The following MON2 variants were observed in gnomAD, a reference collection of about 807,000 sequenced individuals.
The protein encoded by MON2 is MON2 regulator of endosome-to-Golgi trafficking, also known as protein MON2 homolog.
In MON2, 84 loss-of-function variants were observed where a neutral mutation model predicts 208.6. The observed-to-expected ratio is 0.40, with a 90% CI of 0.34 to 0.48. The LOEUF (loss-of-function observed/expected upper bound fraction) is 0.48. MON2 is among the 20% of genes least tolerant of loss of function. MON2 has a pLI of 0.59. For synonymous variants in MON2, 660 were observed against 694.0 expected (o/e 0.95, Z 0.77); for missense variants, 1,611 against 2,015.4 (o/e 0.80, Z 3.84).
At chr12:62,557,963 T>TATATATATATATATATA (rs1491431148) in intron 25 of MON2, among the ~76,000 whole-genome samples, 5 of 19,562 alleles carry the variant, frequency 2.6e-4, no homozygotes, top group African/African-American at 1.1e-3. Flanking sequence ...TATATATATA[T>TATATATATATATATATA]TTTTTTTTTT....
intron 3 of MON2, among the ~76,000 whole-genome samples, chr12:62,494,685 A>G (rs2070372767): frequency 6.6e-6 from 1 of 152,176 alleles, no homozygotes; most frequent in Non-Finnish European, 1.5e-5. Context: ...CTCATAGCTA[A>G]TTTGCATATG....
At chr12:62,472,139 T>C (rs1339301639) in intron 1 of MON2, among the ~76,000 whole-genome samples, 1 of 152,024 alleles carries the variant, frequency 6.6e-6, no homozygotes, top group Non-Finnish European at 1.5e-5. Flanking sequence ...GAGAGCTAGG[T>C]TGGATTCCCA....
At chr12:62,488,128 C>G (rs1394672758) in intron 2 of MON2, among the ~76,000 whole-genome samples, 3 of 152,098 alleles carry the variant, frequency 2.0e-5, no homozygotes, top group Non-Finnish European at 4.4e-5. Context: ...TTTAATTTTA[C>G]GTGATTTGAG....
At chr12:62,569,024 A>C (rs1223004122) in intron 29 of MON2, among the ~76,000 whole-genome samples, 1 of 152,256 alleles carries the variant, frequency 6.6e-6, no homozygotes, top group Non-Finnish European at 1.5e-5. Flanking sequence ...GCCACTTACC[A>C]CATTGTTTTG....
chr12:62,490,557 C>T lies in MON2; in HGVS notation c.176-3358C>T, dbSNP rs2070069054. Among the ~76,000 whole-genome samples, 6 of 151,924 alleles carry T rather than the reference C, an allele frequency of 3.9e-5. No homozygotes were observed. The South Asian group carries it at 1.2e-3, about 32-fold the overall frequency. ...CAAGAATAATTTATACTTTTTTGGACTATTACCACTTTTTAAAGAAGAAAA... is the reference window on the plus strand; with the variant it reads ...CAAGAATAATTTATACTTTTTTGGATTATTACCACTTTTTAAAGAAGAAAA... On this transcript the variant is annotated intron_variant, in intron 2 of 34. Transcript: ENST00000393630.
chr12:62,564,529 C>T lies in MON2; in HGVS notation c.4033-708C>T, dbSNP rs986752436. Among the ~76,000 whole-genome samples the T allele has an allele frequency of 2.6e-5, 4 of 151,940 alleles. 1 individual carries two copies. In the East Asian group the frequency reaches 7.7e-4, roughly 29 times the overall value. On this transcript the variant is annotated intron_variant, in intron 26 of 34. Coordinates refer to ENST00000393630, the MANE Select transcript of MON2 (RefSeq NM_015026.3). ...AAACCCAATTTAAGTATTTTCAACA[C>T]ATTTGAAATAATTAAAATCTGCAGT...
chr12:62,598,386 T>C lies in MON2; in HGVS notation c.*5637T>C, dbSNP rs1197497322. ...AACCATGCCGTTATTTGGAAAATCATTGCAATATATTAACAACTGCTTCCT... is the reference window on the plus strand; with the variant it reads ...AACCATGCCGTTATTTGGAAAATCACTGCAATATATTAACAACTGCTTCCT... On this transcript the variant is annotated 3_prime_UTR_variant, in exon 35 of 35. Coordinates refer to ENST00000393630, the MANE Select transcript of MON2 (RefSeq NM_015026.3). 1 of 152,204 alleles carries C rather than the reference T, an allele frequency of 6.6e-6. No homozygotes were observed. The highest frequency in any genetic ancestry group is 6.5e-5 in the Admixed American group (1 of 15,292). The allele number at this position is 152,204 out of a possible 1,614,324, so 9.4% of individuals were successfully genotyped here. A position where few individuals can be genotyped will look rare whatever the true frequency, so the allele number is the denominator to read the frequency against.
chr12:62,538,309 T>C lies in MON2; in HGVS notation c.2257T>C (p.Leu753=), dbSNP rs975473020. The C allele has an allele frequency of 6.2e-7, 1 of 1,612,814 alleles. No homozygotes were observed. The highest frequency in any genetic ancestry group is 8.5e-7 in the Non-Finnish European group (1 of 1,178,836). Residue 753 remains leucine (L), a synonymous_variant, in exon 18 of 35, where the codon TTG becomes CTG. Coordinates refer to ENST00000393630, the MANE Select transcript of MON2 (RefSeq NM_015026.3). The stretch of plus-strand genomic sequence containing the variant: ...AGTGATTTCCAATATACTTTCAAGA[T>C]TGTTTGAAAGCTCACAGTAAGAGTC... ...LPVISNILSR[L]FESSQYLDDV...
chr12:62,494,971 T>A (rs756569223), intron 3 of MON2, 45 bp from the exon 4 acceptor site: 1 of 1,434,780 alleles, frequency 7.0e-7, no homozygotes, highest in South Asian at 1.3e-5. Flanking sequence ...GACATCAACA[T>A]CTATATTGTA....
chr12:62,494,816 A>G (rs947541141), intron 3 of MON2, among the ~76,000 whole-genome samples, 200 bp from the exon 4 acceptor site: 2 of 152,196 alleles, frequency 1.3e-5, no homozygotes, highest in East Asian at 3.8e-4. Context: ...GGATATTACA[A>G]TTTTTGAGGG....
intron 12 of MON2, among the ~76,000 whole-genome samples, chr12:62,534,535 A>T (rs1392176360): frequency 0.015 from 403 of 27,286 alleles, 10 homozygotes; most frequent in African/African-American, 0.068. Flanking sequence ...AAAAAAAAAA[A>T]AAAAAAAATA....
In MON2 at chr12:62,478,716, A is replaced by G. The variant is rs1206002474; in HGVS notation, c.112-5454A>G. Among the ~76,000 whole-genome samples, 7 of 152,204 alleles carry G rather than the reference A, an allele frequency of 4.6e-5. No individual in the cohort carries two copies. The East Asian group carries it at 7.7e-4, about 17-fold the overall frequency. ...TCCTTTTAAAAGATGTCCTTACACT[A>G]CTGTACTAAATTTTGAGAAACACTG... On this transcript the variant is annotated intron_variant, in intron 1 of 34. Coordinates refer to ENST00000393630, the MANE Select transcript of MON2 (RefSeq NM_015026.3).
chr12:62,553,270 A>G, intron 24 of MON2, 96 bp downstream of exon 24: 1 of 1,149,234 alleles, frequency 8.7e-7, no homozygotes, highest in South Asian at 1.7e-5. Context: ...TTTTTAAAGA[A>G]TTTCCATGCA....
chr12:62,556,677 A>G (rs149598068), intron 25 of MON2, among the ~76,000 whole-genome samples: 1 of 152,298 alleles, frequency 6.6e-6, no homozygotes, highest in East Asian at 1.9e-4. Context: ...GGATGCTAGC[A>G]TGTTTAAAGG....
intron 7 of MON2, among the ~76,000 whole-genome samples, chr12:62,505,111 G>A (rs1277637266): frequency 1.3e-5 from 2 of 152,210 alleles, no homozygotes; most frequent in East Asian, 1.9e-4. Context: ...ATGAAGTGTT[G>A]TAGTGGAAGA....
intron 20 of MON2, 139 bp downstream of exon 20, chr12:62,543,337 C>A: frequency 2.3e-6 from 1 of 427,998 alleles, no homozygotes; most frequent in Admixed American, 4.4e-5. Context: ...TATGTTTGTA[C>A]ATTTTATCAA....
At chr12:62,589,010 C>T (rs2075308617) in intron 34 of MON2, 1 of 694,528 alleles carries the variant, frequency 1.4e-6, no homozygotes. Context: ...ATGTACATGA[C>T]TCATCTCCCT....
In MON2 at chr12:62,495,141, T is replaced by G; in HGVS notation, c.429T>G (p.Leu143=). 2 of 1,603,566 alleles carry G rather than the reference T, an allele frequency of 1.2e-6. No homozygotes were observed. The highest frequency in any genetic ancestry group is 1.1e-5 in the South Asian group (1 of 89,320). ...ATACAGTAGTTCATGATGAGGCACT[T>G]TCTAAGGTAGGAAAACTGTTTGCCA... ...TTNTVVHDEA[L]SKAIVLCFRL... The change falls in exon 4 of 35, where the codon CTT becomes CTG. Residue 143 remains leucine (L), a synonymous_variant. Transcript: ENST00000393630.
intron 2 of MON2, among the ~76,000 whole-genome samples, chr12:62,488,847 T>C (rs755047510): frequency 3.9e-5 from 6 of 152,136 alleles, no homozygotes; most frequent in Non-Finnish European, 7.4e-5. Context: ...TTTAAATGTT[T>C]TAAATTGCTG....
Sources: allele counts gnomAD v4.1 joint callset (sites outside exome capture counted in the v4.1 genomes callset), GRCh38; gene constraint gnomAD v4.1.1; transcripts MANE v1.5; gene names NCBI Gene and HGNC (gene_info 2026-07-23, HGNC 2026-07-21).